AFF3: variants seen among roughly 807,000 people sequenced by gnomAD.
The protein encoded by AFF3 is AF4/FMR2 family member 3.
AFF3 carries 32 observed loss-of-function variants against 129.7 expected under a neutral mutation model. The ratio of observed to expected loss-of-function variants is 0.25; its 90% CI spans 0.19 to 0.33. The LOEUF is 0.33. AFF3 is among the 10% of genes least tolerant of loss of function. The pLI is 1.00. For synonymous variants in AFF3, 644 were observed against 635.4 expected (o/e 1.01, Z -0.20); for missense variants, 1,373 against 1,592.0 (o/e 0.86, Z 2.34).
At chr2:99,680,067 G>A (rs1674381316) in intron 11 of AFF3, among the ~76,000 whole-genome samples, 1 of 152,210 alleles carries the variant, frequency 6.6e-6, no homozygotes, top group Non-Finnish European at 1.5e-5. Context: ...GCCACACACG[G>A]TTTGTGTGAT....
At chr2:99,911,952 C>A (rs975259902) in intron 7 of AFF3, among the ~76,000 whole-genome samples, 1 of 152,168 alleles carries the variant, frequency 6.6e-6, no homozygotes, top group African/African-American at 2.4e-5. Flanking sequence ...AATTTACAAG[C>A]ACAAAATAAT....
intron 13 of AFF3, among the ~76,000 whole-genome samples, chr2:99,640,265 C>T (rs1372389376): frequency 6.6e-6 from 1 of 152,060 alleles, no homozygotes; most frequent in Non-Finnish European, 1.5e-5. Context: ...AACCCATACT[C>T]TGTTATCTTC....
intron 7 of AFF3, among the ~76,000 whole-genome samples, chr2:99,845,629 A>G (rs939723172): frequency 1.3e-5 from 2 of 152,180 alleles, no homozygotes; most frequent in Non-Finnish European, 2.9e-5. Flanking sequence ...GACATTGATA[A>G]GAATACTTTA....
chr2:99,841,623 G>C (rs1689324667), intron 7 of AFF3, among the ~76,000 whole-genome samples: 1 of 152,190 alleles, frequency 6.6e-6, no homozygotes, highest in Admixed American at 6.5e-5. Context: ...CATTTAGATT[G>C]GAGTGAATCC....
At chr2:99,713,350 C>T (rs1052403287) in intron 11 of AFF3, among the ~76,000 whole-genome samples, 2 of 150,494 alleles carry the variant, frequency 1.3e-5, no homozygotes, top group African/African-American at 4.9e-5. Context: ...CTCACTGCAA[C>T]CTCTGACTCC....
intron 11 of AFF3, among the ~76,000 whole-genome samples, chr2:99,723,949 G>C (rs1056519725): frequency 1.3e-5 from 2 of 152,172 alleles, no homozygotes; most frequent in African/African-American, 4.8e-5. Flanking sequence ...GCGAAGGAGA[G>C]AGGCCGGGGA....
At chr2:99,860,724 T>G (rs1690923034) in intron 7 of AFF3, among the ~76,000 whole-genome samples, 2 of 149,354 alleles carry the variant, frequency 1.3e-5, no homozygotes, top group African/African-American at 2.5e-5. Context: ...AAACTCCGTC[T>G]CAAGAAAAAA....
chr2:99,629,122 T>C (rs572173767), intron 13 of AFF3, among the ~76,000 whole-genome samples: 36 of 152,186 alleles, frequency 2.4e-4, no homozygotes, highest in Non-Finnish European at 4.7e-4. Context: ...CCTCCCAAAG[T>C]GCTGGGATTA....
intron 13 of AFF3, among the ~76,000 whole-genome samples, chr2:99,604,989 T>G (rs934101818): frequency 1.1e-4 from 17 of 152,238 alleles, no homozygotes; most frequent in African/African-American, 4.1e-4. Flanking sequence ...GTGGGATTCC[T>G]TGTGGCTTGC....
intron 8 of AFF3, among the ~76,000 whole-genome samples, chr2:99,814,120 G>C (rs573024894): frequency 6.6e-6 from 1 of 152,140 alleles, no homozygotes; most frequent in Admixed American, 6.5e-5. Flanking sequence ...TTTCTTGGGG[G>C]AAAGTTGCTG....
chr2:99,837,706 TG>T (rs1688997952), intron 7 of AFF3, among the ~76,000 whole-genome samples, 182 bp from the exon 8 acceptor site: 1 of 152,088 alleles, frequency 6.6e-6, no homozygotes, highest in African/African-American at 2.4e-5. Flanking sequence ...CCATTGTGGC[TG>T]CTGCTCCCCC....
At chr2:99,997,482 C>A (rs575138593) in intron 7 of AFF3, among the ~76,000 whole-genome samples, 12 of 151,968 alleles carry the variant, frequency 7.9e-5, no homozygotes, top group African/African-American at 2.7e-4. Flanking sequence ...ATCACCCCCC[C>A]CCCAGATTAG....
At chr2:99,820,618 T>A (rs952014116) in intron 8 of AFF3, among the ~76,000 whole-genome samples, 4 of 150,836 alleles carry the variant, frequency 2.7e-5, no homozygotes, top group Non-Finnish European at 5.9e-5. Flanking sequence ...GCACCATTTT[T>A]ACTTTATGAA....
intron 13 of AFF3, among the ~76,000 whole-genome samples, chr2:99,622,852 C>G (rs1407958145): frequency 6.6e-6 from 1 of 152,126 alleles, no homozygotes; most frequent in African/African-American, 2.4e-5. Flanking sequence ...TGGGCACAGG[C>G]AGGACGACTC....
intron 9 of AFF3, among the ~76,000 whole-genome samples, chr2:99,751,433 T>C (rs898717879): frequency 3.3e-5 from 5 of 152,342 alleles, no homozygotes; most frequent in Admixed American, 3.3e-4. Flanking sequence ...ATACATATTG[T>C]TGAAAAAAAT....
In AFF3 at chr2:99,549,512, G is replaced by A. The variant is rs1262025811; in HGVS notation, c.*1962C>T. 7 of 181,608 alleles carry A rather than the reference G, an allele frequency of 3.9e-5. No homozygotes were observed. In the East Asian group the frequency reaches 6.3e-4, roughly 16 times the overall value. 11.2% of individuals were successfully genotyped at this position (181,608 alleles called of 1,614,324 possible). A position where few individuals can be genotyped will look rare whatever the true frequency, so the allele number is the denominator to read the frequency against. On this transcript the variant is annotated 3_prime_UTR_variant, in exon 25 of 25. Transcript: ENST00000672756. ...AGGCGGGACAATCACTTGAACCCAG[G>A]AGGCAGAGGATGCAGTGAGCCGAGA...
At chr2:99,811,769 A>G (rs1216935867) in intron 8 of AFF3, among the ~76,000 whole-genome samples, 3 of 152,254 alleles carry the variant, frequency 2.0e-5, no homozygotes, top group African/African-American at 7.2e-5. Flanking sequence ...TTGGACGCAG[A>G]ACAACGTGGC....
intron 13 of AFF3, among the ~76,000 whole-genome samples, chr2:99,640,332 C>T (rs960954262): frequency 2.6e-5 from 4 of 151,904 alleles, no homozygotes; most frequent in Non-Finnish European, 4.4e-5. Context: ...TCTTATGATA[C>T]CTCATGCGTG....
chr2:99,856,909 G>T lies in AFF3; in HGVS notation c.874-19385C>A, dbSNP rs575756587. Among the ~76,000 whole-genome samples the T allele has an allele frequency of 5.3e-5, 8 of 152,176 alleles. No homozygotes were observed. In the East Asian group the frequency reaches 1.5e-3, roughly 29 times the overall value. On this transcript the variant is annotated intron_variant, in intron 7 of 24. Transcript: ENST00000672756. ...TCTAAAATGATGACTCGGCTGACATGGGGCATATAGGAGAGAACTATTAAA... is the reference window on the plus strand; with the variant it reads ...TCTAAAATGATGACTCGGCTGACATTGGGCATATAGGAGAGAACTATTAAA...
Sources: gnomAD v4.1 joint callset for allele counts (sites outside exome capture counted in the v4.1 genomes callset) on GRCh38, gnomAD v4.1.1 for gene constraint, MANE v1.5 for transcripts, NCBI Gene and HGNC (gene_info 2026-07-23, HGNC 2026-07-21) for gene names.